Variants in ROBO2 observed in about 807,000 individuals in gnomAD.
The protein encoded by ROBO2 is roundabout homolog 2.
Under a neutral mutation model 160.8 loss-of-function variants are expected in ROBO2, and 53 were observed. The observed-to-expected ratio is 0.33, with a 90% CI of 0.26 to 0.41. The LOEUF is 0.41. ROBO2 is among the 10% of genes least tolerant of loss of function. ROBO2 has a pLI of 1.00. For synonymous variants in ROBO2, 664 were observed against 611.7 expected (o/e 1.09, Z -1.26); for missense variants, 1,577 against 1,722.4 (o/e 0.92, Z 1.49).
intron 2 of ROBO2, among the ~76,000 whole-genome samples, chr3:77,291,990 G>A (rs533918553): frequency 6.6e-6 from 1 of 151,620 alleles, no homozygotes; most frequent in Admixed American, 6.6e-5. Context: ...AAAATTGATG[G>A]TTAAACGGGT....
chr3:77,350,912 A>C (rs2068260228), intron 2 of ROBO2, among the ~76,000 whole-genome samples: 1 of 152,190 alleles, frequency 6.6e-6, no homozygotes, highest in Non-Finnish European at 1.5e-5. Context: ...AGAACTAAAC[A>C]CACACTTGGT....
At chr3:76,366,289 C>T (rs183284484) in intron 2 of ROBO2, among the ~76,000 whole-genome samples, 25 of 152,136 alleles carry the variant, frequency 1.6e-4, no homozygotes, top group Admixed American at 7.9e-4. Flanking sequence ...CTCTAATATC[C>T]TTCTTAGCAC....
chr3:77,084,811 AG>A lies in ROBO2; in HGVS notation c.62-13202del, dbSNP rs1158069255. Among the ~76,000 whole-genome samples the A allele has an allele frequency of 3.9e-5, 6 of 152,270 alleles. No homozygotes were observed. The East Asian group carries it at 1.2e-3, about 29-fold the overall frequency. ...AGTGAAACATAATTCAAGCAGAAAA[AG>A]ATCATTTGAAAACGTTTATTGCACT... On this transcript the variant is annotated intron_variant, in intron 1 of 25. Coordinates refer to ENST00000461745, the Ensembl canonical transcript of ROBO2.
intron 1 of ROBO2, among the ~76,000 whole-genome samples, chr3:77,077,095 G>A (rs2149889298): frequency 6.6e-6 from 1 of 152,266 alleles, no homozygotes; most frequent in East Asian, 1.9e-4. Context: ...TTGAAAAATA[G>A]AGTGCAAAAA....
intron 2 of ROBO2, among the ~76,000 whole-genome samples, chr3:76,108,320 T>G (rs957757618): frequency 6.6e-6 from 1 of 152,084 alleles, no homozygotes; most frequent in Non-Finnish European, 1.5e-5. Context: ...TTAGCATCAT[T>G]TCTAATTTCA....
intron 2 of ROBO2, among the ~76,000 whole-genome samples, chr3:76,228,467 A>T (rs1704425492): frequency 2.0e-5 from 3 of 152,126 alleles, no homozygotes; most frequent in Non-Finnish European, 4.4e-5. Context: ...AATTACAGAC[A>T]GACAGTTTTT....
At position 77,416,044 on chromosome 3, in the gene ROBO2, C is replaced by G. The variant is rs952030952; in HGVS notation, c.389-61370C>G. On this transcript the variant is annotated intron_variant, in intron 2 of 25. Transcript: ENST00000461745. The stretch of plus-strand genomic sequence containing the variant: ...GTTTGGTGGGTTCCGTGTTCTTGTC[C>G]CACAACCAAGAAGGATGAGATTGCA... Among the ~76,000 whole-genome samples the G allele has an allele frequency of 7.2e-5, 11 of 152,198 alleles. No individual in the cohort carries two copies. In the East Asian group the frequency reaches 1.9e-3, roughly 27 times the overall value.
chr3:76,006,797 T>G (rs561530808), intron 2 of ROBO2, among the ~76,000 whole-genome samples: 2 of 152,222 alleles, frequency 1.3e-5, no homozygotes, highest in South Asian at 4.1e-4. Flanking sequence ...TAAAATTTAT[T>G]TTTTTGCTTC....
intron 2 of ROBO2, among the ~76,000 whole-genome samples, chr3:76,060,189 T>G (rs936531059): frequency 6.6e-6 from 1 of 152,194 alleles, no homozygotes; most frequent in Non-Finnish European, 1.5e-5. Flanking sequence ...CATGCTCTTA[T>G]AATCCAAAAA....
intron 6 of ROBO2, among the ~76,000 whole-genome samples, chr3:77,526,440 A>G (rs1425689117): frequency 6.6e-6 from 1 of 151,478 alleles, no homozygotes; most frequent in East Asian, 1.9e-4. Flanking sequence ...AAGAAATTCT[A>G]TTTTTAATGT....
intron 2 of ROBO2, among the ~76,000 whole-genome samples, chr3:77,169,011 A>G (rs1458671590): frequency 6.6e-6 from 1 of 152,196 alleles, no homozygotes; most frequent in East Asian, 1.9e-4. Context: ...CTCCATTTCC[A>G]GTGTCTAAAG....
At chr3:76,865,350 T>G (rs1230852374) in intron 2 of ROBO2, among the ~76,000 whole-genome samples, 1 of 148,146 alleles carries the variant, frequency 6.8e-6, no homozygotes, top group East Asian at 2.1e-4. Context: ...TTCTTAACAT[T>G]GTTATTAGAT....
chr3:76,752,481 T>C (rs985921148), intron 2 of ROBO2, among the ~76,000 whole-genome samples: 1 of 150,828 alleles, frequency 6.6e-6, no homozygotes, highest in African/African-American at 2.4e-5. Flanking sequence ...CCTGGGGACA[T>C]GGCCAAGACA....
At chr3:76,434,973 G>T in intron 2 of ROBO2, 3 of 1,588,144 alleles carry the variant, frequency 1.9e-6, no homozygotes, top group Non-Finnish European at 1.7e-6. Context: ...ACTTGAACTG[G>T]AGGGTAAGAA....
intron 2 of ROBO2, among the ~76,000 whole-genome samples, chr3:76,637,753 T>G (rs1288535423): frequency 6.6e-6 from 1 of 152,192 alleles, no homozygotes; most frequent in Non-Finnish European, 1.5e-5. Context: ...TAGCAAGTTT[T>G]CAAAAAGCTT....
chr3:76,758,179 G>A (rs965203743), intron 2 of ROBO2, among the ~76,000 whole-genome samples: 3 of 151,708 alleles, frequency 2.0e-5, no homozygotes, highest in African/African-American at 7.3e-5. Context: ...CATTGACAAG[G>A]AAAATAGGTA....
At chr3:76,447,333 C>T (rs995816811) in intron 2 of ROBO2, among the ~76,000 whole-genome samples, 7 of 151,938 alleles carry the variant, frequency 4.6e-5, no homozygotes, top group African/African-American at 1.7e-4. Flanking sequence ...AAATCAAAAC[C>T]ACAATGAGAT....
At chr3:76,818,866 A>C (rs1208682450) in intron 2 of ROBO2, among the ~76,000 whole-genome samples, 1 of 152,040 alleles carries the variant, frequency 6.6e-6, no homozygotes, top group Non-Finnish European at 1.5e-5. Context: ...ATGGCCTTAC[A>C]GTATTGTTTG....
At chr3:77,284,155 T>C (rs181921305) in intron 2 of ROBO2, among the ~76,000 whole-genome samples, 3 of 152,150 alleles carry the variant, frequency 2.0e-5, no homozygotes, top group African/African-American at 7.2e-5. Flanking sequence ...CAATTACTTA[T>C]TGTCTGTGGC....
Sources: gnomAD v4.1 joint callset for allele counts (sites outside exome capture counted in the v4.1 genomes callset) on GRCh38, gnomAD v4.1.1 for gene constraint, MANE v1.5 for transcripts, NCBI Gene and HGNC (gene_info 2026-07-23, HGNC 2026-07-21) for gene names.